The following CFAP58 variants were observed in gnomAD, a reference collection of about 807,000 sequenced individuals.
The protein encoded by CFAP58 is cilia and flagella associated protein 58, also known as cilia- and flagella-associated protein 58.
In CFAP58, 88 loss-of-function variants were observed where a neutral mutation model predicts 119.5. That is an observed-to-expected ratio of 0.74 (90% CI 0.62 to 0.88). CFAP58 has a LOEUF of 0.88. Among genes scored for constraint, CFAP58 ranks in the 40% least tolerant of loss-of-function variants. The pLI is 0.00. For synonymous variants in CFAP58, 365 were observed against 366.3 expected (o/e 1.00, Z 0.04); for missense variants, 990 against 1,021.2 (o/e 0.97, Z 0.42).
At chr10:104,442,323 C>T (rs1342363043) in intron 15 of CFAP58, among the ~76,000 whole-genome samples, 1 of 152,138 alleles carries the variant, frequency 6.6e-6, no homozygotes, top group Admixed American at 6.5e-5. Flanking sequence ...GGTGCAGTGG[C>T]TCATGCCTGT....
intron 15 of CFAP58, among the ~76,000 whole-genome samples, chr10:104,432,882 G>C (rs1031525578): frequency 1.3e-5 from 2 of 152,156 alleles, no homozygotes; most frequent in East Asian, 1.9e-4. Flanking sequence ...TGTATTAAAG[G>C]CTTTATAATA....
In CFAP58 at chr10:104,361,559, T is replaced by G. The variant is rs182638802; in HGVS notation, c.292-464T>G. 7.9e-5 allele frequency among the ~76,000 whole-genome samples: 12 copies of G among 152,364 alleles called. No homozygotes were observed. The East Asian group carries it at 2.3e-3, about 29-fold the overall frequency. On this transcript the variant is annotated intron_variant, in intron 2 of 17. Coordinates refer to ENST00000369704, the MANE Select transcript of CFAP58 (RefSeq NM_001008723.2). ...ATGTGATAAAACTTATTTTTTTCCT[T>G]TTAATATCTGGACTTAGAAAGCACA...
the CFAP58 span, among the ~76,000 whole-genome samples, chr10:104,348,113 G>A: frequency 5.9e-5 from 9 of 152,276 alleles, no homozygotes; most frequent in African/African-American, 2.2e-4. Context: ...AGGTATGTAG[G>A]GTGGCCTAGA....
chr10:104,362,078 C>T lies in CFAP58; in HGVS notation c.347C>T (p.Ala116Val). 3 of 1,614,018 alleles carry T rather than the reference C, an allele frequency of 1.9e-6. No individual in the cohort carries two copies. Among genetic ancestry groups the T allele is most frequent in the Non-Finnish European group, 2.5e-6 (3 of 1,179,966 alleles). The change falls in exon 3 of 18, where the codon GCC (alanine) becomes GTC (valine). Residue 116 changes from alanine to valine, a missense_variant. Physicochemically the swap from Ala to Val is moderately conservative, Grantham distance 64 (BLOSUM62 0). Transcript: ENST00000369704. ...TCAGCCTATGACAAAGAGCAGAAGG[C>T]CAAGGAGACGATTCTTGCTCTGAAA... ...VDSAYDKEQK[A>V]KETILALKEE...
At chr10:104,434,967 C>G (rs1334715020) in intron 15 of CFAP58, among the ~76,000 whole-genome samples, 1 of 152,164 alleles carries the variant, frequency 6.6e-6, no homozygotes, top group Non-Finnish European at 1.5e-5. Context: ...AAGATACTTA[C>G]TGATTTATAG....
intron 9 of CFAP58, 38 bp downstream of exon 9, chr10:104,380,258 A>C: frequency 3.9e-6 from 6 of 1,544,666 alleles, no homozygotes; most frequent in Non-Finnish European, 5.3e-6. Flanking sequence ...GAGCAGAGGC[A>C]CATTCCTTCC....
At chr10:104,357,584 T>A (rs944974081) in intron 1 of CFAP58, among the ~76,000 whole-genome samples, 1 of 152,054 alleles carries the variant, frequency 6.6e-6, no homozygotes, top group African/African-American at 2.4e-5. Flanking sequence ...GCTCTGAAAA[T>A]TCCTTGAATC....
upstream of CFAP58, among the ~76,000 whole-genome samples, chr10:104,349,251 C>T (rs1004992701): frequency 4.0e-5 from 6 of 151,774 alleles, no homozygotes; most frequent in East Asian, 1.9e-4. Flanking sequence ...CCGTCTCAAA[C>T]GCCTCCACAC....
In CFAP58 at chr10:104,447,879, G is replaced by A. The variant is rs118126946; in HGVS notation, c.2376+62G>A. On this transcript the variant is annotated intron_variant, in intron 16 of 17. Transcript: ENST00000369704. ...CAGCCACACTCTGGGGAGCACACCT[G>A]GACAAGTCCACTGACTCCACACAAT... 8,211 of 1,510,610 alleles carry A rather than the reference G, an allele frequency of 5.4e-3. 40 individuals carry two copies. Among genetic ancestry groups the A allele is most frequent in the Non-Finnish European group, 5.6e-3 (6,345 of 1,124,346 alleles). The allele number at this position is 1,510,610 out of a possible 1,614,324, so 93.6% of individuals were successfully genotyped here.
In CFAP58 at chr10:104,400,792, G is replaced by A; in HGVS notation, c.1928G>A (p.Ser643Asn). The A allele has an allele frequency of 1.2e-6, 2 of 1,614,144 alleles. No individual in the cohort carries two copies. The highest frequency in any genetic ancestry group is 1.7e-6 in the Non-Finnish European group (2 of 1,180,012). The change falls in exon 13 of 18, where the codon AGC (serine) becomes AAC (asparagine). Residue 643 changes from serine to asparagine, a missense_variant. Transcript: ENST00000369704. ...IQQSVLNKGE[S>N]QYNQRLEDMR... ...CAGTCTGTGCTGAATAAAGGGGAGA[G>A]CCAGTACAACCAGAGGTTGGAGGAC...
intron 9 of CFAP58, among the ~76,000 whole-genome samples, chr10:104,387,756 A>C (rs529521952): frequency 2.0e-5 from 3 of 152,330 alleles, no homozygotes; most frequent in East Asian, 1.9e-4. Flanking sequence ...CATTTTTCAC[A>C]TGATGCACTT....
chr10:104,445,370 A>C (rs2013099057), intron 15 of CFAP58, among the ~76,000 whole-genome samples: 1 of 152,068 alleles, frequency 6.6e-6, no homozygotes, highest in African/African-American at 2.4e-5. Flanking sequence ...CCAAAAGAAC[A>C]AAAAGGAAAG....
At chr10:104,401,521 T>A (rs2012264918) in intron 13 of CFAP58, among the ~76,000 whole-genome samples, 1 of 152,220 alleles carries the variant, frequency 6.6e-6, no homozygotes, top group Non-Finnish European at 1.5e-5. Flanking sequence ...AACGTCACCA[T>A]GTTTTATATA....
intron 17 of CFAP58, among the ~76,000 whole-genome samples, chr10:104,454,048 T>C (rs1460633258): frequency 6.6e-6 from 1 of 152,146 alleles, no homozygotes; most frequent in Non-Finnish European, 1.5e-5. Context: ...AGTTGATAAA[T>C]GATGAATTAG....
At chr10:104,358,274 G>A in intron 1 of CFAP58, 67 bp from the exon 2 acceptor site, 1 of 1,495,724 alleles carries the variant, frequency 6.7e-7, no homozygotes, top group Non-Finnish European at 9.0e-7. Flanking sequence ...GGTAATAGCA[G>A]TAATTCCTTG....
Position 104,353,893 on chromosome 10 carries a change from T to C in CFAP58, c.-5T>C, listed in dbSNP as rs1375552011. ...CCTCTGAGGCCGCCCCCAGAGAGCA[T>C]CAGGATGGCTGAGGTCAGGAGTCAG... On this transcript the variant is annotated 5_prime_UTR_variant, in exon 1 of 18. Coordinates refer to ENST00000369704, the MANE Select transcript of CFAP58 (RefSeq NM_001008723.2). The C allele has an allele frequency of 1.2e-6, 2 of 1,613,426 alleles. No individual in the cohort carries two copies. Among genetic ancestry groups the C allele is most frequent in the Admixed American group, 3.3e-5 (2 of 60,004 alleles).
intron 3 of CFAP58, 65 bp downstream of exon 3, chr10:104,362,236 C>G: frequency 1.4e-6 from 2 of 1,413,706 alleles, no homozygotes; most frequent in Non-Finnish European, 1.9e-6. Context: ...CAGTAGACAG[C>G]CTGGGGCTTG....
intron 5 of CFAP58, 29 bp downstream of exon 5, chr10:104,366,037 A>G (rs776656836): frequency 1.8e-5 from 27 of 1,517,046 alleles, no homozygotes; most frequent in Non-Finnish European, 6.2e-6. Context: ...TTCGCAAAAA[A>G]CCAAGAAAAA....
intron 15 of CFAP58, among the ~76,000 whole-genome samples, chr10:104,427,187 C>G (rs1419333792): frequency 3.3e-5 from 5 of 152,106 alleles, no homozygotes; most frequent in Non-Finnish European, 5.9e-5. Context: ...AATTGACAGT[C>G]ATTAGGAACT....
Sources: gnomAD v4.1 joint callset for allele counts (sites outside exome capture counted in the v4.1 genomes callset) on GRCh38, gnomAD v4.1.1 for gene constraint, MANE v1.5 for transcripts, NCBI Gene and HGNC (gene_info 2026-07-23, HGNC 2026-07-21) for gene names.